The following NRXN3 variants were observed in gnomAD, a reference collection of about 807,000 sequenced individuals.
NRXN3 encodes the protein neurexin 3.
Under a neutral mutation model 137.6 loss-of-function variants are expected in NRXN3, and 32 were observed. That is an observed-to-expected ratio of 0.23 (90% CI 0.18 to 0.31). The LOEUF (loss-of-function observed/expected upper bound fraction) is 0.31, where lower values mean the gene tolerates loss of function less well. NRXN3 is among the 10% of genes least tolerant of loss of function. The pLI is 1.00. For missense variants in NRXN3, 1,574 were observed against 2,062.5 expected (o/e 0.76, Z 4.59); for synonymous variants, 798 against 784.5 (o/e 1.02, Z -0.29).
At chr14:78,638,351 T>C (rs571491192) in intron 4 of NRXN3, among the ~76,000 whole-genome samples, 13 of 152,296 alleles carry the variant, frequency 8.5e-5, no homozygotes, top group African/African-American at 3.1e-4. Flanking sequence ...ACCTGTGTGA[T>C]GGGATGTGTC....
At chr14:79,408,435 C>T (rs1434162048) in intron 15 of NRXN3, among the ~76,000 whole-genome samples, 2 of 152,168 alleles carry the variant, frequency 1.3e-5, no homozygotes, top group East Asian at 1.9e-4. Flanking sequence ...TTGAAGGATT[C>T]CTAACTGCTT....
At chr14:78,886,832 G>A (rs892215946) in intron 10 of NRXN3, among the ~76,000 whole-genome samples, 1 of 152,106 alleles carries the variant, frequency 6.6e-6, no homozygotes, top group Admixed American at 6.6e-5. Context: ...TGCCCCAATG[G>A]CCCAGGCTGT....
Position 78,521,199 on chromosome 14 carries a change from C to T in NRXN3, c.758-123921C>T, listed in dbSNP as rs1243595577. 3.3e-5 allele frequency among the ~76,000 whole-genome samples: 5 copies of T among 152,090 alleles called. No individual in the cohort carries two copies. The East Asian group carries it at 5.8e-4, about 18-fold the overall frequency. Reference sequence around the variant, plus strand: ...CTATCCCCACTCTAATTCCTTTCACCGTCATTTATTTCTGCCTCTTTCTGG... The same window carrying T: ...CTATCCCCACTCTAATTCCTTTCACTGTCATTTATTTCTGCCTCTTTCTGG... On this transcript the variant is annotated intron_variant, in intron 4 of 20. Coordinates refer to ENST00000335750, the MANE Select transcript of NRXN3 (RefSeq NM_001330195.2).
chr14:79,023,264 A>G (rs1247637939), intron 15 of NRXN3, among the ~76,000 whole-genome samples: 2 of 152,014 alleles, frequency 1.3e-5, no homozygotes, highest in Non-Finnish European at 2.9e-5. Context: ...TGAGTTTAGA[A>G]CTTGCTGTAT....
At chr14:78,368,492 G>A (rs1271460501) in intron 4 of NRXN3, among the ~76,000 whole-genome samples, 2 of 152,134 alleles carry the variant, frequency 1.3e-5, no homozygotes, top group South Asian at 2.1e-4. Context: ...GGGAGTTCGA[G>A]AACAGCCTGG....
intron 3 of NRXN3, among the ~76,000 whole-genome samples, chr14:78,283,939 T>A (rs2074798209): frequency 6.6e-6 from 1 of 152,238 alleles, no homozygotes; most frequent in Non-Finnish European, 1.5e-5. Context: ...ATCATGGCAC[T>A]GTGACCTATT....
intron 10 of NRXN3, among the ~76,000 whole-genome samples, chr14:78,935,762 C>T (rs772885950): frequency 1.3e-5 from 2 of 152,102 alleles, no homozygotes; most frequent in African/African-American, 2.4e-5. Context: ...CTTTCTCAAA[C>T]CCAGCTCTTC....
intron 15 of NRXN3, among the ~76,000 whole-genome samples, chr14:79,357,633 A>AT (rs2093472842): frequency 6.6e-6 from 1 of 152,152 alleles, no homozygotes. Flanking sequence ...AAGCCATTAG[A>AT]TGAGGTCCAA....
chr14:79,541,587 T>C (rs1020552736), intron 16 of NRXN3, among the ~76,000 whole-genome samples: 20 of 152,210 alleles, frequency 1.3e-4, no homozygotes, highest in African/African-American at 4.6e-4. Context: ...AGATGAGCTA[T>C]AGGCCTGATG....
chr14:79,775,124 A>G (rs560856203), intron 19 of NRXN3, among the ~76,000 whole-genome samples: 1 of 152,272 alleles, frequency 6.6e-6, no homozygotes, highest in South Asian at 2.1e-4. Flanking sequence ...TATGGTATGT[A>G]TTAATACCAT....
intron 15 of NRXN3, among the ~76,000 whole-genome samples, chr14:79,038,831 GC>G (rs1271798543): frequency 2.2e-4 from 34 of 152,066 alleles, no homozygotes; most frequent in African/African-American, 7.7e-4. Flanking sequence ...TCGCTACCTG[GC>G]CTTTCGTTCC....
At chr14:78,187,558 T>A (rs2060337530) in intron 1 of NRXN3, among the ~76,000 whole-genome samples, 1 of 152,162 alleles carries the variant, frequency 6.6e-6, no homozygotes, top group South Asian at 2.1e-4. Context: ...ACTCAACACT[T>A]CACATCACTC....
At chr14:79,520,112 G>A (rs760394113) in intron 16 of NRXN3, among the ~76,000 whole-genome samples, 9 of 151,560 alleles carry the variant, frequency 5.9e-5, no homozygotes, top group Admixed American at 2.0e-4. Flanking sequence ...CCTTCATTGC[G>A]AATTTCATCT....
At chr14:78,278,171 G>T (rs1373162248) in intron 2 of NRXN3, among the ~76,000 whole-genome samples, 1 of 152,154 alleles carries the variant, frequency 6.6e-6, no homozygotes, top group East Asian at 1.9e-4. Flanking sequence ...CTTTTGCTTT[G>T]TTTCTCAAGG....
intron 10 of NRXN3, among the ~76,000 whole-genome samples, chr14:78,856,611 T>TA (rs553336079): frequency 3.3e-5 from 5 of 152,094 alleles, no homozygotes; most frequent in Admixed American, 6.6e-5. Flanking sequence ...AAAGTAAAAT[T>TA]AAAAAAAAGC....
Position 78,519,766 on chromosome 14 carries a change from G to A in NRXN3, c.758-125354G>A, listed in dbSNP as rs901413255. On this transcript the variant is annotated intron_variant, in intron 4 of 20. Transcript: ENST00000335750. ...ACCTTGAAGGAGTAGGAGTTGCCTA[G>A]GTAAATCAAGGAAATAAAGGGAATA... Among the ~76,000 whole-genome samples the A allele has an allele frequency of 3.3e-5, 5 of 152,026 alleles. No homozygotes were observed. In the East Asian group the frequency reaches 9.7e-4, roughly 29 times the overall value.
intron 15 of NRXN3, among the ~76,000 whole-genome samples, chr14:79,453,355 T>G (rs1373835404): frequency 6.6e-6 from 1 of 151,782 alleles, no homozygotes; most frequent in Non-Finnish European, 1.5e-5. Context: ...GTATATAATA[T>G]AGAGAGAGGT....
intron 4 of NRXN3, among the ~76,000 whole-genome samples, chr14:78,466,012 C>T (rs946163270): frequency 6.6e-6 from 1 of 151,330 alleles, no homozygotes; most frequent in Non-Finnish European, 1.5e-5. Flanking sequence ...CCACCACGCC[C>T]GGCTAATTTT....
chr14:79,592,887 T>C (rs1895670), intron 16 of NRXN3, among the ~76,000 whole-genome samples: 11,427 of 152,290 alleles, frequency 0.075, 441 homozygotes, highest in Middle Eastern at 0.14. Context: ...ATATGAAGCC[T>C]ACAAGTTTCC....
Sources: allele counts gnomAD v4.1 joint callset (sites outside exome capture counted in the v4.1 genomes callset), GRCh38; gene constraint gnomAD v4.1.1; transcripts MANE v1.5; gene names NCBI Gene and HGNC (gene_info 2026-07-23, HGNC 2026-07-21).